The following MDGA2 variants were observed in gnomAD, a reference collection of about 807,000 sequenced individuals.
MDGA2 encodes MAM domain-containing glycosylphosphatidylinositol anchor protein 2.
MDGA2 carries 40 observed loss-of-function variants against 117.8 expected under a neutral mutation model. That is an observed-to-expected ratio of 0.34 (90% CI 0.26 to 0.44). The LOEUF is 0.44. Among genes scored for constraint, MDGA2 ranks in the 20% least tolerant of loss-of-function variants. MDGA2 has a pLI of 1.00. For missense variants in MDGA2, 1,123 were observed against 1,250.6 expected (o/e 0.90, Z 1.54); for synonymous variants, 452 against 439.0 (o/e 1.03, Z -0.37).
intron 7 of MDGA2, among the ~76,000 whole-genome samples, chr14:47,054,188 T>C (rs1889580561): frequency 6.6e-6 from 1 of 151,880 alleles, no homozygotes; most frequent in Admixed American, 6.6e-5. Flanking sequence ...TTTCTTACGC[T>C]CCCTTTCATT....
chr14:47,056,092 T>A (rs1206121932), intron 7 of MDGA2, among the ~76,000 whole-genome samples: 1 of 152,168 alleles, frequency 6.6e-6, no homozygotes, highest in Admixed American at 6.6e-5. Flanking sequence ...TTACATAAAA[T>A]AACCTATTCC....
chr14:47,663,860 GT>G (rs1319523159), intron 1 of MDGA2, among the ~76,000 whole-genome samples: 1 of 152,038 alleles, frequency 6.6e-6, no homozygotes, highest in African/African-American at 2.4e-5. Context: ...ATAAACTGCT[GT>G]TTTCCAATTA....
At chr14:47,007,636 T>G (rs549902694) in intron 8 of MDGA2, among the ~76,000 whole-genome samples, 3 of 151,778 alleles carry the variant, frequency 2.0e-5, no homozygotes, top group Non-Finnish European at 4.4e-5. Context: ...TAACAATGAT[T>G]AGAGAAGGTC....
At chr14:46,943,370 G>A (rs1885064469) in intron 9 of MDGA2, among the ~76,000 whole-genome samples, 1 of 151,690 alleles carries the variant, frequency 6.6e-6, no homozygotes, top group African/African-American at 2.4e-5. Context: ...ACAGCTAATT[G>A]GAATCTTAAA....
intron 3 of MDGA2, among the ~76,000 whole-genome samples, chr14:47,188,226 T>C (rs1004859009): frequency 5.3e-5 from 8 of 152,156 alleles, no homozygotes; most frequent in South Asian, 2.1e-4. Context: ...GCTGGACCTA[T>C]TGACTGACTT....
rs575637768 is a variant in MDGA2 at position 47,282,894 on chromosome 14, G to T, written c.420+18517C>A. 9.9e-5 allele frequency among the ~76,000 whole-genome samples: 15 copies of T among 152,150 alleles called. No individual in the cohort carries two copies. In the East Asian group the frequency reaches 2.3e-3, roughly 24 times the overall value. ...AGCCCAGGAGTTGAGGCTGCAATGA[G>T]CTATGATCATGCCACCGCACTCCAG... On this transcript the variant is annotated intron_variant, in intron 2 of 16. Transcript: ENST00000399232.
At position 46,855,998 on chromosome 14, in the gene MDGA2, AATG is replaced by A. The variant is rs1881254601; in HGVS notation, c.2753-847_2753-845del. Among the ~76,000 whole-genome samples, 1 of 152,128 alleles carries A rather than the reference AATG, an allele frequency of 6.6e-6. No individual in the cohort carries two copies. Among genetic ancestry groups the A allele is most frequent in the African/African-American group, 2.4e-5 (1 of 41,428 alleles). Reference sequence around the variant, plus strand: ...ATGTGCTGTACACAGTAATGATATTAATGATGATAATGATATTAATACAATAAA... The same window carrying A: ...ATGTGCTGTACACAGTAATGATATTAATGATAATGATATTAATACAATAAA... On this transcript the variant is annotated intron_variant, in intron 14 of 16. Transcript: ENST00000399232. This position sits in a 1 kb window ranked among gnomAD's most constrained non-coding sequence, Gnocchi z 4.1.
rs188181023 is a variant in MDGA2 at position 47,033,837 on chromosome 14, C to T, written c.1819+1174G>A. On this transcript the variant is annotated intron_variant, in intron 8 of 16. Transcript: ENST00000399232. The stretch of plus-strand genomic sequence containing the variant: ...GCAGCACCCAGAACCTTGTCTCTCA[C>T]CCCACACTCACATATCTCATGCATA... 3.9e-5 allele frequency among the ~76,000 whole-genome samples: 6 copies of T among 152,274 alleles called. No individual in the cohort carries two copies. In the East Asian group the frequency reaches 9.7e-4, roughly 25 times the overall value.
intron 1 of MDGA2, among the ~76,000 whole-genome samples, chr14:47,654,302 T>C (rs913801645): frequency 1.3e-5 from 2 of 152,206 alleles, no homozygotes; most frequent in Non-Finnish European, 1.5e-5. Flanking sequence ...GATCATCAGG[T>C]TCCTATGGAC....
intron 8 of MDGA2, among the ~76,000 whole-genome samples, chr14:47,008,906 T>C (rs924568565): frequency 1.3e-5 from 2 of 152,004 alleles, no homozygotes; most frequent in Admixed American, 1.3e-4. Flanking sequence ...CCTGAGCACA[T>C]CTTAGCTGTT....
intron 8 of MDGA2, among the ~76,000 whole-genome samples, chr14:47,001,497 T>G: frequency 6.6e-6 from 1 of 152,110 alleles, no homozygotes; most frequent in South Asian, 2.1e-4. Context: ...GTTACTAACA[T>G]GGTAGAAAGA....
chr14:46,999,098 A>G (rs1002985932), intron 8 of MDGA2, among the ~76,000 whole-genome samples: 2 of 152,062 alleles, frequency 1.3e-5, no homozygotes, highest in African/African-American at 4.8e-5. Context: ...TTATTCACCA[A>G]TCAATAGTGT....
At chr14:47,351,782 C>T (rs575698977) in intron 1 of MDGA2, among the ~76,000 whole-genome samples, 2 of 151,902 alleles carry the variant, frequency 1.3e-5, no homozygotes, top group South Asian at 4.2e-4. Flanking sequence ...TTCAGTGAAA[C>T]CAGAAAAAGT....
chr14:46,975,379 A>G (rs939912754), intron 8 of MDGA2, among the ~76,000 whole-genome samples: 3 of 152,146 alleles, frequency 2.0e-5, no homozygotes, highest in East Asian at 1.9e-4. Flanking sequence ...TCTCAAAGAT[A>G]TATTTGTACA....
chr14:46,883,505 A>T (rs975318688), intron 10 of MDGA2, among the ~76,000 whole-genome samples: 1 of 152,096 alleles, frequency 6.6e-6, no homozygotes, highest in South Asian at 2.1e-4. Flanking sequence ...TATATTAGAA[A>T]TTTTTTTAGA....
chr14:47,040,066 A>G (rs1889008473), intron 7 of MDGA2, among the ~76,000 whole-genome samples: 1 of 152,158 alleles, frequency 6.6e-6, no homozygotes. Context: ...ATTTTCAATG[A>G]ATGTTAACAG....
intron 1 of MDGA2, among the ~76,000 whole-genome samples, chr14:47,608,028 A>G (rs1896773039): frequency 6.6e-6 from 1 of 152,062 alleles, no homozygotes; most frequent in East Asian, 1.9e-4. Context: ...ACTTGTCATT[A>G]TTTAAATTAC....
intron 1 of MDGA2, among the ~76,000 whole-genome samples, chr14:47,313,335 C>T (rs1036449272): frequency 6.6e-6 from 1 of 152,068 alleles, no homozygotes; most frequent in Non-Finnish European, 1.5e-5. Flanking sequence ...TGGAGTGACA[C>T]TACCTTGGCT....
chr14:47,402,714 T>C lies in MDGA2; in HGVS notation c.281-101164A>G, dbSNP rs927221498. On this transcript the variant is annotated intron_variant, in intron 1 of 16. Transcript: ENST00000399232. ...GTTTACAAAATATCATATGCATGTA[T>C]GTTTCATCTTTGTCCTAAAATTTGC... is the stretch of plus-strand genomic sequence containing the variant. Among the ~76,000 whole-genome samples the C allele has an allele frequency of 3.9e-5, 6 of 152,342 alleles. No homozygotes were observed. In the East Asian group the frequency reaches 1.2e-3, roughly 29 times the overall value.
Sources: allele counts gnomAD v4.1 joint callset (sites outside exome capture counted in the v4.1 genomes callset), GRCh38; gene constraint gnomAD v4.1.1; non-coding constraint Gnocchi (gnomAD v3.1); transcripts MANE v1.5; gene names NCBI Gene and HGNC (gene_info 2026-07-23, HGNC 2026-07-21).